ANTXR1: variants seen among roughly 807,000 people sequenced by gnomAD.
ANTXR1 encodes the protein anthrax toxin receptor 1.
In ANTXR1, 19 loss-of-function variants were observed where a neutral mutation model predicts 78.1. That is an observed-to-expected ratio of 0.24 (90% confidence interval 0.17 to 0.36). The LOEUF (loss-of-function observed/expected upper bound fraction) is 0.36. Among genes scored for constraint, ANTXR1 ranks in the 10% least tolerant of loss-of-function variants. The pLI, the probability that ANTXR1 is intolerant of heterozygous loss-of-function variation, is 1.00. For missense variants in ANTXR1, 518 were observed against 718.6 expected, an observed-to-expected ratio of 0.72 and a Z score of 3.19; for synonymous variants, 273 against 260.5, an observed-to-expected ratio of 1.05 and a Z score of -0.46.
chr2:69,116,547 T>C (rs993545994), intron 10 of ANTXR1, among the ~76,000 whole-genome samples: 2 of 152,186 alleles, frequency 1.3e-5, no homozygotes, highest in African/African-American at 4.8e-5. Context: ...TGAACAGTTA[T>C]ATTTGGCTCT....
chr2:69,217,767 C>G (rs1367509341), intron 17 of ANTXR1, among the ~76,000 whole-genome samples: 1 of 151,070 alleles, frequency 6.6e-6, no homozygotes, highest in Non-Finnish European at 1.5e-5. Context: ...GGGGACTATT[C>G]ATAGGTACCC....
chr2:69,089,926 T>C (rs1310331880), intron 8 of ANTXR1, among the ~76,000 whole-genome samples: 8 of 152,150 alleles, frequency 5.3e-5, no homozygotes. Context: ...CAAGGTAGGA[T>C]TTATAAATGG....
At chr2:69,232,731 T>C (rs1675653674) in intron 17 of ANTXR1, among the ~76,000 whole-genome samples, 1 of 152,052 alleles carries the variant, frequency 6.6e-6, no homozygotes, top group Non-Finnish European at 1.5e-5. Context: ...TAGAAAATAA[T>C]ATGAAACAAA....
At chr2:69,083,010 G>A (rs1052810462) in intron 8 of ANTXR1, among the ~76,000 whole-genome samples, 4 of 152,164 alleles carry the variant, frequency 2.6e-5, no homozygotes. Flanking sequence ...ACGGAACCGA[G>A]GAATCAATCT....
intron 16 of ANTXR1, among the ~76,000 whole-genome samples, chr2:69,188,034 CA>C (rs34500820): frequency 0.015 from 1,327 of 90,568 alleles, 3 homozygotes; most frequent in African/African-American, 0.044. Context: ...TGCTGCCTGG[CA>C]AAAAAAAAAA....
chr2:69,049,466 A>G (rs1052074339), intron 3 of ANTXR1, among the ~76,000 whole-genome samples: 24 of 152,058 alleles, frequency 1.6e-4, no homozygotes, highest in African/African-American at 5.3e-4. Context: ...GCACACCGCC[A>G]TGCCAGGCTA....
chr2:69,220,718 A>G (rs1675297937), intron 17 of ANTXR1, among the ~76,000 whole-genome samples: 2 of 152,248 alleles, frequency 1.3e-5, no homozygotes, highest in Admixed American at 1.3e-4. Context: ...GTAGCAAGTC[A>G]ACTCTGCTCT....
chr2:69,086,919 G>A (rs1220396263), intron 8 of ANTXR1, among the ~76,000 whole-genome samples: 2 of 152,166 alleles, frequency 1.3e-5, no homozygotes, highest in African/African-American at 4.8e-5. Flanking sequence ...AACCTTGTCA[G>A]TTTTCCTTGA....
intron 1 of ANTXR1, among the ~76,000 whole-genome samples, chr2:69,022,251 T>C (rs1424733082): frequency 1.3e-5 from 2 of 152,214 alleles, no homozygotes; most frequent in Non-Finnish European, 2.9e-5. Flanking sequence ...GGGCTCCTAC[T>C]AGTGCTTCTC....
chr2:69,234,096 G>T (rs1408195845), intron 17 of ANTXR1, among the ~76,000 whole-genome samples: 6 of 152,144 alleles, frequency 3.9e-5, no homozygotes, highest in Non-Finnish European at 8.8e-5. Flanking sequence ...CTAAGTTATT[G>T]TTTGGAAGAA....
chr2:69,181,115 G>A (rs555321479), intron 14 of ANTXR1, among the ~76,000 whole-genome samples: 69 of 152,322 alleles, frequency 4.5e-4, no homozygotes, highest in African/African-American at 1.6e-3. Flanking sequence ...GCTGCTTTGT[G>A]GAGAACAGAT....
chr2:69,115,109 T>C (rs1223691367), intron 10 of ANTXR1, among the ~76,000 whole-genome samples: 1 of 152,238 alleles, frequency 6.6e-6, no homozygotes, highest in African/African-American at 2.4e-5. Context: ...GCACCATCCC[T>C]GGTCTCTACC....
intron 17 of ANTXR1, among the ~76,000 whole-genome samples, chr2:69,237,748 T>A (rs1675801093): frequency 6.6e-6 from 1 of 152,006 alleles, no homozygotes; most frequent in Admixed American, 6.5e-5. Context: ...TGCATCTGTG[T>A]ATCTACACAT....
Position 69,073,176 on chromosome 2 carries a change from C to G in ANTXR1, c.492+75C>G. 4 of 1,323,434 alleles carry G rather than the reference C, an allele frequency of 3.0e-6. No homozygotes were observed. The Admixed American group carries it at 5.1e-5, about 17-fold the overall frequency. 82.0% of individuals were successfully genotyped at this position (1,323,434 alleles called of 1,614,324 possible). A position where few individuals can be genotyped will look rare whatever the true frequency, so the allele number is the denominator to read the frequency against. On this transcript the variant is annotated intron_variant, in intron 6 of 17. Coordinates refer to ENST00000303714, the MANE Select transcript of ANTXR1 (RefSeq NM_032208.3). The stretch of plus-strand genomic sequence containing the variant: ...TCCTTTCTAAAATGGGCCACACTCT[C>G]TCTATTCATGTGATAGGTGTTCTTT...
chr2:69,040,133 T>C lies in ANTXR1; in HGVS notation c.224+18T>C. On this transcript the variant is annotated intron_variant, in intron 2 of 17. Coordinates refer to ENST00000303714, the MANE Select transcript of ANTXR1 (RefSeq NM_032208.3). ...TTCATCAGGTGAGAAACACTATGCATTTTGTTCACTTGTAGTTCTCTGTCA... is the reference window on the plus strand; with the variant it reads ...TTCATCAGGTGAGAAACACTATGCACTTTGTTCACTTGTAGTTCTCTGTCA... 1 of 1,607,166 alleles carries C rather than the reference T, an allele frequency of 6.2e-7. No individual in the cohort carries two copies. Among genetic ancestry groups the C allele is most frequent in the Non-Finnish European group, 8.5e-7 (1 of 1,174,204 alleles).
intron 9 of ANTXR1, among the ~76,000 whole-genome samples, chr2:69,096,144 G>C (rs540590316): frequency 7.7e-4 from 117 of 151,874 alleles, no homozygotes; most frequent in African/African-American, 2.6e-3. Context: ...TGTAGTCCCA[G>C]CTACTCGGGA....
At chr2:69,053,390 T>C (rs144793018) in intron 3 of ANTXR1, among the ~76,000 whole-genome samples, 1 of 151,604 alleles carries the variant, frequency 6.6e-6, no homozygotes, top group Non-Finnish European at 1.5e-5. Context: ...GTGTAGATGC[T>C]GGATTATTGT....
At chr2:69,027,910 G>GA (rs1671398304) in intron 1 of ANTXR1, among the ~76,000 whole-genome samples, 2 of 150,880 alleles carry the variant, frequency 1.3e-5, no homozygotes, top group Admixed American at 6.6e-5. Flanking sequence ...TATGAAGTGA[G>GA]AAGGGACTTA....
At chr2:69,086,015 G>A (rs1467558724) in intron 8 of ANTXR1, among the ~76,000 whole-genome samples, 1 of 152,138 alleles carries the variant, frequency 6.6e-6, no homozygotes, top group Non-Finnish European at 1.5e-5. Context: ...AGACACCAAG[G>A]AACATGCTCT....
Sources: allele counts gnomAD v4.1 joint callset (sites outside exome capture counted in the v4.1 genomes callset), GRCh38; gene constraint gnomAD v4.1.1; transcripts MANE v1.5; gene names NCBI Gene and HGNC (gene_info 2026-07-23, HGNC 2026-07-21).